The following HEMK2 variants were observed in gnomAD, a reference collection of about 807,000 sequenced individuals.
HEMK2 encodes HemK methyltransferase 2, ETF1 glutamine and histone H4 lysine, also known as methyltransferase HEMK2.
chr21:28,865,520 G>A, the HEMK2 span, among the ~76,000 whole-genome samples: 1 of 152,192 alleles, frequency 6.6e-6, no homozygotes, highest in African/African-American at 2.4e-5. Context: ...GCTTCTAGAA[G>A]CACATCTTCA....
chr21:28,630,601 A>T, the HEMK2 span, among the ~76,000 whole-genome samples: 3 of 152,000 alleles, frequency 2.0e-5, no homozygotes, highest in Admixed American at 2.0e-4. Context: ...ATGCAGCCAT[A>T]AAAAATGATG....
the HEMK2 span, among the ~76,000 whole-genome samples, chr21:28,814,149 A>C: frequency 1.3e-5 from 2 of 152,164 alleles, no homozygotes; most frequent in African/African-American, 4.8e-5. Context: ...AGGCAGGAGA[A>C]TATCTTGAAC....
chr21:28,767,951 C>A, the HEMK2 span, among the ~76,000 whole-genome samples: 1 of 151,988 alleles, frequency 6.6e-6, no homozygotes, highest in Admixed American at 6.6e-5. Flanking sequence ...CCTCCAGCGA[C>A]CCCCCTTTTT....
chr21:28,813,924 A>G, the HEMK2 span, among the ~76,000 whole-genome samples: 1 of 152,166 alleles, frequency 6.6e-6, no homozygotes, highest in Non-Finnish European at 1.5e-5. Context: ...ACAAAAATTA[A>G]CACAAGATGG....
the HEMK2 span, among the ~76,000 whole-genome samples, chr21:28,639,748 T>C: frequency 6.6e-6 from 1 of 152,252 alleles, no homozygotes. Flanking sequence ...ATTCAAATCA[T>C]GTTCAATATT....
the HEMK2 span, among the ~76,000 whole-genome samples, chr21:28,731,107 G>T: frequency 0.12 from 18,383 of 152,228 alleles, 1,281 homozygotes; most frequent in East Asian, 0.3. Flanking sequence ...AAGTGGTGGA[G>T]AGAGGCTTAG....
At chr21:28,769,666 A>C in the HEMK2 span, among the ~76,000 whole-genome samples, 1 of 152,246 alleles carries the variant, frequency 6.6e-6, no homozygotes, top group South Asian at 2.1e-4. Context: ...ATAATGACTC[A>C]AAAGGGAACC....
chr21:28,805,841 A>G, the HEMK2 span, among the ~76,000 whole-genome samples: 1 of 152,224 alleles, frequency 6.6e-6, no homozygotes, highest in African/African-American at 2.4e-5. Flanking sequence ...TAGGTGCTAC[A>G]TGTTTTAAAA....
At chr21:28,671,816 T>G in the HEMK2 span, among the ~76,000 whole-genome samples, 1 of 152,198 alleles carries the variant, frequency 6.6e-6, no homozygotes, top group East Asian at 1.9e-4. Flanking sequence ...CTCTGAATCA[T>G]TTCCACTCTT....
chr21:28,703,316 A>G, the HEMK2 span, among the ~76,000 whole-genome samples: 5 of 100,626 alleles, frequency 5.0e-5, no homozygotes, highest in African/African-American at 3.5e-4. Flanking sequence ...AACTAAAATA[A>G]AAGTTAAAAA....
the HEMK2 span, chr21:28,882,932 G>T: frequency 3.3e-6 from 4 of 1,204,278 alleles, no homozygotes; most frequent in East Asian, 2.5e-5. Flanking sequence ...TTTCATTAGA[G>T]TTATCATAGT....
chr21:28,802,861 G>A, the HEMK2 span, among the ~76,000 whole-genome samples: 3 of 152,170 alleles, frequency 2.0e-5, no homozygotes, highest in African/African-American at 7.2e-5. Context: ...ATAAATAAAT[G>A]AGTCTTATGA....
the HEMK2 span, among the ~76,000 whole-genome samples, chr21:28,838,011 A>C: frequency 6.6e-6 from 1 of 152,192 alleles, no homozygotes; most frequent in African/African-American, 2.4e-5. Flanking sequence ...TACCCTGAAC[A>C]AAACAATAAC....
the HEMK2 span, among the ~76,000 whole-genome samples, chr21:28,815,342 T>C: frequency 3.9e-5 from 6 of 151,972 alleles, no homozygotes; most frequent in East Asian, 9.7e-4. Flanking sequence ...ACCTGCACGT[T>C]GTGCACATGT....
the HEMK2 span, among the ~76,000 whole-genome samples, chr21:28,693,785 C>T: frequency 6.6e-6 from 1 of 152,198 alleles, no homozygotes; most frequent in Non-Finnish European, 1.5e-5. Flanking sequence ...GCAATCTCAT[C>T]TAGCTATCTA....
the HEMK2 span, among the ~76,000 whole-genome samples, chr21:28,746,321 C>A: frequency 6.6e-6 from 1 of 152,096 alleles, no homozygotes; most frequent in African/African-American, 2.4e-5. Context: ...ACATACTACT[C>A]TTAGTATGTT....
chr21:28,599,355 G>A, the HEMK2 span, among the ~76,000 whole-genome samples: 3 of 152,326 alleles, frequency 2.0e-5, no homozygotes, highest in Admixed American at 2.0e-4. Flanking sequence ...CAAAAGGCAT[G>A]TCTTACATGG....
At chr21:28,877,384 AGAAG>A in the HEMK2 span, among the ~76,000 whole-genome samples, 2 of 118,680 alleles carry the variant, frequency 1.7e-5, no homozygotes, top group Non-Finnish European at 3.6e-5. Flanking sequence ...AAGGGAAGAA[AGAAG>A]GAAGGAAGGG....
the HEMK2 span, among the ~76,000 whole-genome samples, chr21:28,655,278 TG>T: frequency 6.6e-6 from 1 of 152,076 alleles, no homozygotes; most frequent in Non-Finnish European, 1.5e-5. Context: ...GAATTTGTTT[TG>T]AACAAACTAG....
Sources: gnomAD v4.1 joint callset for allele counts (sites outside exome capture counted in the v4.1 genomes callset) on GRCh38, gnomAD v4.1.1 for gene constraint, MANE v1.5 for transcripts, NCBI Gene and HGNC (gene_info 2026-07-23, HGNC 2026-07-21) for gene names.